Variants in NEMP2 observed in about 807,000 individuals in gnomAD.
The protein encoded by NEMP2 is nuclear envelope integral membrane protein 2.
Under a neutral mutation model 54.2 loss-of-function variants are expected in NEMP2, and 53 were observed. That is an observed-to-expected ratio of 0.98 (90% CI 0.78 to 1.23). The LOEUF (loss-of-function observed/expected upper bound fraction) is 1.23. Ranked by LOEUF, NEMP2 falls within the 50% of genes most tolerant of loss-of-function variation. The pLI is 0.00. For missense variants in NEMP2, 455 were observed against 511.3 expected, an observed-to-expected ratio of 0.89 and a Z score of 1.06; for synonymous variants, 197 against 190.3, an observed-to-expected ratio of 1.04 and a Z score of -0.29.
chr2:190,500,317 A>G (rs61742316), downstream of NEMP2: 104,233 of 1,236,968 alleles, frequency 0.084, 5,067 homozygotes, highest in Middle Eastern at 0.13. The surrounding 1 kb of genome is among the most constrained non-coding windows in gnomAD (Gnocchi z 5.3). Context: ...CTGGAGGAGC[A>G]CAGCACTGCA....
intron 1 of NEMP2, chr2:190,534,280 T>C (rs935543076): frequency 6.9e-6 from 8 of 1,157,688 alleles, no homozygotes; most frequent in Admixed American, 4.7e-5. Context: ...TGAGTTTCGG[T>C]TGCTTCTGTA....
the NEMP2 span, among the ~76,000 whole-genome samples, chr2:190,483,562 C>A: frequency 6.6e-6 from 1 of 152,118 alleles, no homozygotes; most frequent in Non-Finnish European, 1.5e-5. Flanking sequence ...CAGGGTTGGG[C>A]GCAGTGGCTC....
the NEMP2 span, among the ~76,000 whole-genome samples, chr2:190,644,249 G>A: frequency 9.5e-4 from 145 of 152,190 alleles, no homozygotes; most frequent in African/African-American, 3.3e-3. This position sits in a 1 kb window ranked among gnomAD's most constrained non-coding sequence, Gnocchi z 4.4. Context: ...TTCCTCCTTC[G>A]AAGGACTGAA....
At chr2:190,622,721 T>C in the NEMP2 span, among the ~76,000 whole-genome samples, 1 of 152,028 alleles carries the variant, frequency 6.6e-6, no homozygotes, top group Admixed American at 6.5e-5. Flanking sequence ...CCTTATCTAA[T>C]AAGGAATTTG....
At chr2:190,461,274 A>C in the NEMP2 span, among the ~76,000 whole-genome samples, 1 of 152,204 alleles carries the variant, frequency 6.6e-6, no homozygotes, top group African/African-American at 2.4e-5. This position sits in a 1 kb window ranked among gnomAD's most constrained non-coding sequence, Gnocchi z 5.5. Context: ...ATGTCTGTTC[A>C]TTCTTTGAGA....
chr2:190,569,598 C>T, the NEMP2 span, among the ~76,000 whole-genome samples: 1 of 152,266 alleles, frequency 6.6e-6, no homozygotes, highest in South Asian at 2.1e-4. Context: ...CCCTTCTTTC[C>T]TCTTACAGAT....
chr2:190,445,325 T>C, the NEMP2 span, among the ~76,000 whole-genome samples: 1 of 152,060 alleles, frequency 6.6e-6, no homozygotes, highest in African/African-American at 2.4e-5. Flanking sequence ...GGCATTTGAG[T>C]GTTAGTTCCA....
At chr2:190,607,337 G>A in the NEMP2 span, among the ~76,000 whole-genome samples, 3 of 152,172 alleles carry the variant, frequency 2.0e-5, no homozygotes. This position sits in a 1 kb window ranked among gnomAD's most constrained non-coding sequence, Gnocchi z 5.2. Flanking sequence ...GGAGTGGGCT[G>A]TGGTTCTTCT....
chr2:190,464,498 T>C, the NEMP2 span, among the ~76,000 whole-genome samples: 2 of 152,188 alleles, frequency 1.3e-5, no homozygotes, highest in Non-Finnish European at 2.9e-5. Flanking sequence ...TTCACTTCTT[T>C]CTTCAAAAAT....
chr2:190,554,127 A>G, the NEMP2 span, among the ~76,000 whole-genome samples: 1 of 152,174 alleles, frequency 6.6e-6, no homozygotes, highest in Admixed American at 6.5e-5. The surrounding 1 kb of genome is among the most constrained non-coding windows in gnomAD (Gnocchi z 5.7). Flanking sequence ...TCCGGCCCAG[A>G]TACTGCGCTT....
the NEMP2 span, among the ~76,000 whole-genome samples, chr2:190,456,035 G>C: frequency 0.14 from 20,015 of 143,138 alleles, 1,627 homozygotes; most frequent in Middle Eastern, 0.23. The surrounding 1 kb of genome is among the most constrained non-coding windows in gnomAD (Gnocchi z 5.4). Context: ...CTGCCTCCTG[G>C]GTTCAAGCAG....
At chr2:190,426,986 A>G in the NEMP2 span, among the ~76,000 whole-genome samples, 1 of 152,196 alleles carries the variant, frequency 6.6e-6, no homozygotes, top group African/African-American at 2.4e-5. The surrounding 1 kb of genome is among the most constrained non-coding windows in gnomAD (Gnocchi z 4.7). Flanking sequence ...ACTTTTCATT[A>G]CTGTGAAGTG....
At chr2:190,437,148 C>A in the NEMP2 span, 1 of 1,614,146 alleles carries the variant, frequency 6.2e-7, no homozygotes, top group African/African-American at 1.3e-5. The surrounding 1 kb of genome is among the most constrained non-coding windows in gnomAD (Gnocchi z 5.9). Context: ...TCGTCTTCAT[C>A]GTCTTCGGCG....
chr2:190,500,236 C>A, downstream of NEMP2: 1 of 1,613,598 alleles, frequency 6.2e-7, no homozygotes, highest in Non-Finnish European at 8.5e-7. The surrounding 1 kb of genome is among the most constrained non-coding windows in gnomAD (Gnocchi z 5.3). Flanking sequence ...CTGCTCATCT[C>A]ACACCCTGCA....
At chr2:190,526,051 C>A (rs376834300) in intron 1 of NEMP2, among the ~76,000 whole-genome samples, 2 of 152,048 alleles carry the variant, frequency 1.3e-5, no homozygotes, top group African/African-American at 4.8e-5. Context: ...AGGGTTAAGG[C>A]ACTAACAATA....
chr2:190,534,498 C>G, intron 1 of NEMP2, 61 bp downstream of exon 1: 1 of 1,331,678 alleles, frequency 7.5e-7, no homozygotes, highest in South Asian at 1.9e-5. Context: ...GCCCTCAGGG[C>G]AGCCGCGAAG....
chr2:190,440,434 C>A, the NEMP2 span, among the ~76,000 whole-genome samples: 12 of 152,200 alleles, frequency 7.9e-5, no homozygotes, highest in East Asian at 1.7e-3. Context: ...AAATAAATTT[C>A]TTTTGATCCA....
the NEMP2 span, among the ~76,000 whole-genome samples, chr2:190,478,224 G>A: frequency 6.6e-6 from 1 of 152,150 alleles, no homozygotes. Context: ...TAGAAACCTA[G>A]CTACTGGTCT....
the NEMP2 span, chr2:190,464,983 C>T: frequency 1.2e-6 from 1 of 806,724 alleles, no homozygotes; most frequent in Non-Finnish European, 1.5e-6. Context: ...CAACTAACTA[C>T]ACTGTTAGGA....
Sources: gnomAD v4.1 joint callset for allele counts (sites outside exome capture counted in the v4.1 genomes callset) on GRCh38, gnomAD v4.1.1 for gene constraint, Gnocchi (gnomAD v3.1) non-coding constraint, MANE v1.5 for transcripts, NCBI Gene and HGNC (gene_info 2026-07-23, HGNC 2026-07-21) for gene names.